Variants in CHRM3 observed in about 807,000 individuals in gnomAD.
The protein encoded by CHRM3 is muscarinic acetylcholine receptor M3.
Under a neutral mutation model 41.8 loss-of-function variants are expected in CHRM3, and 11 were observed. The ratio of observed to expected loss-of-function variants is 0.26; its 90% confidence interval spans 0.17 to 0.44. The LOEUF (loss-of-function observed/expected upper bound fraction) is 0.44. Among genes scored for constraint, CHRM3 ranks in the 20% least tolerant of loss-of-function variants. The probability of loss-of-function intolerance (pLI) is 1.00; values close to 1 mark genes in which losing one functional copy is unlikely to be tolerated. For missense variants in CHRM3, 571 were observed against 745.4 expected, an observed-to-expected ratio of 0.77 and a Z score of 2.72; for synonymous variants, 297 against 301.4, an observed-to-expected ratio of 0.99 and a Z score of 0.15.
At chr1:239,397,085 C>T (rs569576996) in intron 1 of CHRM3, among the ~76,000 whole-genome samples, 3 of 152,248 alleles carry the variant, frequency 2.0e-5, no homozygotes, top group African/African-American at 7.2e-5. Flanking sequence ...AATACTACCC[C>T]GGAAGTTCCA....
intron 1 of CHRM3, among the ~76,000 whole-genome samples, chr1:239,444,907 G>A (rs1196173981): frequency 6.6e-6 from 1 of 152,170 alleles, no homozygotes; most frequent in East Asian, 1.9e-4. Context: ...GGCGGAGATA[G>A]TAAAAGAAAG....
intron 1 of CHRM3, among the ~76,000 whole-genome samples, chr1:239,451,409 G>C (rs1207610379): frequency 1.3e-5 from 2 of 152,150 alleles, no homozygotes; most frequent in African/African-American, 2.4e-5. Flanking sequence ...AGAATATGGA[G>C]AGCTGACATC....
At chr1:239,391,265 A>G (rs1659013728) in intron 1 of CHRM3, among the ~76,000 whole-genome samples, 1 of 152,218 alleles carries the variant, frequency 6.6e-6, no homozygotes, top group African/African-American at 2.4e-5. Flanking sequence ...CTTGAAGACC[A>G]TAGTAGTTGC....
Position 239,748,797 on chromosome 1 carries a change from G to A in CHRM3, c.-147+70509G>A, listed in dbSNP as rs1222515093. 1.3e-5 allele frequency among the ~76,000 whole-genome samples: 2 copies of A among 152,182 alleles called. No homozygotes were observed. The highest frequency in any genetic ancestry group is 3.8e-4 in the East Asian group (2 of 5,202). ...CACAAAGAAGTTTTATGCAAATTCTGGTGGGCCTTGTATTTTATGTTAGCC... is the reference window on the plus strand; with the variant it reads ...CACAAAGAAGTTTTATGCAAATTCTAGTGGGCCTTGTATTTTATGTTAGCC... On this transcript the variant is annotated intron_variant, in intron 5 of 6. Coordinates refer to ENST00000676153, the MANE Select transcript of CHRM3 (RefSeq NM_001375978.1). The surrounding 1 kb of genome is among the most constrained non-coding windows in gnomAD (Gnocchi z 4.3).
At chr1:239,804,787 G>A (rs890218867) in intron 5 of CHRM3, among the ~76,000 whole-genome samples, 2 of 152,054 alleles carry the variant, frequency 1.3e-5, no homozygotes, top group African/African-American at 2.4e-5. Flanking sequence ...ATCTTCCCTC[G>A]CCTCTCGCAT....
intron 1 of CHRM3, among the ~76,000 whole-genome samples, chr1:239,414,332 T>TA (rs67535719): frequency 0.19 from 29,076 of 152,016 alleles, 3,611 homozygotes; most frequent in Non-Finnish European, 0.26. Context: ...ATGGCCTACT[T>TA]AAAAAAAAGT....
At chr1:239,557,039 A>T (rs533730248) in intron 3 of CHRM3, among the ~76,000 whole-genome samples, 4 of 152,122 alleles carry the variant, frequency 2.6e-5, no homozygotes, top group Non-Finnish European at 5.9e-5. Flanking sequence ...TCATTCATGC[A>T]TGGGGCTAAG....
chr1:239,884,008 C>A (rs961907561), intron 6 of CHRM3, among the ~76,000 whole-genome samples: 1 of 152,182 alleles, frequency 6.6e-6, no homozygotes, highest in Admixed American at 6.5e-5. Context: ...AACACCCACA[C>A]ACATCAGCTG....
chr1:239,653,931 A>G (rs1672470709), intron 4 of CHRM3, among the ~76,000 whole-genome samples: 1 of 152,192 alleles, frequency 6.6e-6, no homozygotes, highest in Non-Finnish European at 1.5e-5. Context: ...CTTGAAGCAC[A>G]TGAAGAAAGG....
intron 1 of CHRM3, among the ~76,000 whole-genome samples, chr1:239,389,104 A>G (rs1170733907): frequency 3.9e-5 from 6 of 152,224 alleles, no homozygotes; most frequent in Non-Finnish European, 4.4e-5. Context: ...TCGAATGAAC[A>G]TGACAGTTGA....
intron 1 of CHRM3, among the ~76,000 whole-genome samples, chr1:239,392,802 A>C (rs1362403242): frequency 1.3e-5 from 2 of 152,196 alleles, no homozygotes; most frequent in African/African-American, 2.4e-5. Context: ...CTTTGTCTAC[A>C]TTTTTTAAGA....
intron 1 of CHRM3, among the ~76,000 whole-genome samples, chr1:239,479,190 C>CCACACA (rs56202845): frequency 0.11 from 14,895 of 139,804 alleles, 769 homozygotes; most frequent in East Asian, 0.14. Flanking sequence ...TTTCAAAAAA[C>CCACACA]CACACACACA....
At chr1:239,420,030 G>T (rs1661821782) in intron 1 of CHRM3, among the ~76,000 whole-genome samples, 1 of 152,136 alleles carries the variant, frequency 6.6e-6, no homozygotes, top group African/African-American at 2.4e-5. Context: ...TAATTAGCCC[G>T]CATAACGATG....
rs1216563087 is a variant in CHRM3 at position 239,524,430 on chromosome 1, A to AT, written c.-421-21201dup. On this transcript the variant is annotated intron_variant, in intron 2 of 6. Transcript: ENST00000676153. ...TCTATATTCTACAGAGTGGTAGTTT[A>AT]TTTTTTTTTTGGAAATACGGACAAA... Among the ~76,000 whole-genome samples the AT allele has an allele frequency of 5.6e-3, 826 of 147,524 alleles. 6 individuals carry two copies. Among genetic ancestry groups the AT allele is most frequent in the African/African-American group, 0.019 (764 of 40,442 alleles).
chr1:239,554,729 CTTTTTTTTTT>C (rs750207504), intron 3 of CHRM3, among the ~76,000 whole-genome samples: 3 of 122,984 alleles, frequency 2.4e-5, no homozygotes, highest in Admixed American at 8.7e-5. Flanking sequence ...GTATTTCTTT[CTTTTTTTTTT>C]TTTTTTTTTA....
chr1:239,529,649 T>C (rs112372826), intron 2 of CHRM3, among the ~76,000 whole-genome samples: 5,072 of 142,654 alleles, frequency 0.036, 147 homozygotes, highest in African/African-American at 0.066. Context: ...ACAACAACAA[T>C]AACAACAACA....
intron 4 of CHRM3, among the ~76,000 whole-genome samples, chr1:239,640,351 T>C (rs1398405494): frequency 1.3e-5 from 2 of 152,190 alleles, no homozygotes; most frequent in Non-Finnish European, 2.9e-5. Context: ...TACCAGTTCC[T>C]CCTTTTACCT....
chr1:239,514,144 G>C lies in CHRM3; in HGVS notation c.-422+21337G>C, dbSNP rs142360910. On this transcript the variant is annotated intron_variant, in intron 2 of 6. Transcript: ENST00000676153. ...CTTTTGCCTCTCTGTATAAATTATA[G>C]AATCAAGTTTGCCAGTATTATAAAA... 1.3e-4 allele frequency among the ~76,000 whole-genome samples: 20 copies of C among 152,156 alleles called. No individual in the cohort carries two copies. In the East Asian group the frequency reaches 3.9e-3, roughly 29 times the overall value.
At chr1:239,397,770 T>G in intron 1 of CHRM3, among the ~76,000 whole-genome samples, 1 of 148,176 alleles carries the variant, frequency 6.7e-6, no homozygotes, top group Non-Finnish European at 1.5e-5. Context: ...TATATATATA[T>G]AGAAAATGTT....
Sources: gnomAD v4.1 joint callset for allele counts (sites outside exome capture counted in the v4.1 genomes callset) on GRCh38, gnomAD v4.1.1 for gene constraint, Gnocchi (gnomAD v3.1) non-coding constraint, MANE v1.5 for transcripts, NCBI Gene and HGNC (gene_info 2026-07-23, HGNC 2026-07-21) for gene names.